ATP2C2: variants seen among roughly 807,000 people sequenced by gnomAD.
ATP2C2 encodes ATPase secretory pathway Ca2+ transporting 2.
Under a neutral mutation model 110.8 loss-of-function variants are expected in ATP2C2, and 171 were observed. The observed-to-expected ratio is 1.54, with a 90% CI of 1.36 to 1.75. ATP2C2 has a LOEUF of 1.75. Ranked by LOEUF, ATP2C2 falls within the 40% of genes most tolerant of loss-of-function variation. The probability of loss-of-function intolerance (pLI) is 0.00; values close to 1 mark genes in which losing one functional copy is unlikely to be tolerated. For synonymous variants in ATP2C2, 804 were observed against 508.4 expected, an observed-to-expected ratio of 1.58 and a Z score of -7.82; for missense variants, 1,963 against 1,235.0, an observed-to-expected ratio of 1.59 and a Z score of -8.84.
chr16:84,436,084 G>A (rs1908712168), intron 11 of ATP2C2, among the ~76,000 whole-genome samples: 1 of 152,250 alleles, frequency 6.6e-6, no homozygotes, highest in East Asian at 1.9e-4. Flanking sequence ...AGCTGAGACT[G>A]CACCACTGCA....
At chr16:84,396,268 A>G (rs533838187) in intron 1 of ATP2C2, among the ~76,000 whole-genome samples, 2 of 152,110 alleles carry the variant, frequency 1.3e-5, no homozygotes, top group South Asian at 4.2e-4. Flanking sequence ...GTTTCGAGCC[A>G]GGTGCAGTGG....
Position 84,425,974 on chromosome 16 carries a change from C to T in ATP2C2, c.986+173C>T, listed in dbSNP as rs1451666347. The stretch of plus-strand genomic sequence containing the variant: ...CATGTTCTCCGACAGGTACAGAGTG[C>T]CCGGCGAATGCTTGCAAAATGAATG... On this transcript the variant is annotated intron_variant, in intron 11 of 26. Coordinates refer to ENST00000262429, the MANE Select transcript of ATP2C2 (RefSeq NM_014861.4). 1.4e-5 allele frequency: 10 copies of T among 695,258 alleles called. No individual in the cohort carries two copies. The Admixed American group carries it at 2.3e-4, about 16-fold the overall frequency. The allele number at this position is 695,258 out of a possible 1,614,324, so 43.1% of individuals were successfully genotyped here.
intron 2 of ATP2C2, among the ~76,000 whole-genome samples, chr16:84,401,007 A>G (rs192913590): frequency 1.2e-4 from 19 of 152,216 alleles, no homozygotes; most frequent in Non-Finnish European, 2.4e-4. Context: ...ATTTTCTTCC[A>G]TTCTGTGGGT....
intron 17 of ATP2C2, among the ~76,000 whole-genome samples, chr16:84,450,990 T>G (rs1156574561): frequency 1.3e-5 from 2 of 152,028 alleles, no homozygotes; most frequent in Non-Finnish European, 2.9e-5. Flanking sequence ...GGAAGTGGGG[T>G]GGGTCTTATA....
chr16:84,443,651 C>A (rs915406149), intron 15 of ATP2C2, among the ~76,000 whole-genome samples: 1 of 152,212 alleles, frequency 6.6e-6, no homozygotes, highest in Admixed American at 6.5e-5. Context: ...TCATCCCGGG[C>A]TCACTTCACT....
intron 18 of ATP2C2, among the ~76,000 whole-genome samples, chr16:84,452,497 C>CT (rs397816630): frequency 0.81 from 95,476 of 117,638 alleles, 39,254 homozygotes; most frequent in East Asian, 0.95. Flanking sequence ...CCTCTAGTTA[C>CT]TTTTTTTTTT....
chr16:84,398,616 A>G lies in ATP2C2; in HGVS notation c.210+7A>G, dbSNP rs535896490. 2.5e-6 allele frequency: 4 copies of G among 1,598,134 alleles called. No individual in the cohort carries two copies. Among genetic ancestry groups the G allele is most frequent in the Admixed American group, 3.4e-5 (2 of 58,116 alleles). ...TTTGGCCAGAGCGTTTTGTGTAAGA[A>G]TTGAATTTGCATCTGGAGCTAATTG... is the stretch of plus-strand genomic sequence containing the variant. On this transcript the variant is annotated splice_region_variant and intron_variant, in intron 2 of 26. Transcript: ENST00000262429.
rs2151404573 is a variant in ATP2C2, at chr16:84,386,783, T to G, written c.100-11716T>G. On this transcript the variant is annotated intron_variant, in intron 1 of 26. Transcript: ENST00000262429. The stretch of plus-strand genomic sequence containing the variant: ...ATTCCCATTTTAAAGAGGAGGAAAC[T>G]GTGACTCAGAAAAGTCAAGCGGCTT... Among the ~76,000 whole-genome samples the G allele has an allele frequency of 2.6e-5, 4 of 152,288 alleles. No individual in the cohort carries two copies. The Middle Eastern group carries it at 0.01, about 388-fold the overall frequency.
intron 26 of ATP2C2, chr16:84,462,394 C>T (rs958154147): frequency 1.5e-5 from 6 of 397,568 alleles, no homozygotes; most frequent in African/African-American, 1.0e-4. Context: ...GCATCCCAGG[C>T]GTCGGGCTGG....
At chr16:84,430,253 G>A (rs1291185035) in intron 11 of ATP2C2, among the ~76,000 whole-genome samples, 2 of 152,168 alleles carry the variant, frequency 1.3e-5, no homozygotes, top group Non-Finnish European at 2.9e-5. Flanking sequence ...GCTCGTTGAA[G>A]GAGATGAGGA....
chr16:84,383,795 T>TG (rs1271845299), intron 1 of ATP2C2, among the ~76,000 whole-genome samples: 5 of 132,080 alleles, frequency 3.8e-5, no homozygotes, highest in Admixed American at 1.5e-4. Context: ...TGGTTTTTTT[T>TG]TTTTTTTTTT....
chr16:84,414,367 G>A (rs1452436655), intron 6 of ATP2C2, among the ~76,000 whole-genome samples: 1 of 152,216 alleles, frequency 6.6e-6, no homozygotes, highest in East Asian at 1.9e-4. Context: ...GCCCACTGGG[G>A]TTGCATTGGT....
rs143350899 is a variant in ATP2C2 at position 84,435,199 on chromosome 16, C to T, written c.987-3967C>T. Among the ~76,000 whole-genome samples the T allele has an allele frequency of 2.8e-3, 432 of 152,336 alleles. 6 individuals are homozygous for T. The highest frequency in any genetic ancestry group is 0.019 in the East Asian group (98 of 5,186). ...ATTGTGAGATGTACATTCTTTTTCA[C>T]ATTTCAACTCCTCTGAAATCAGATC... On this transcript the variant is annotated intron_variant, in intron 11 of 26. Transcript: ENST00000262429.
At chr16:84,462,180 G>A (rs751033687) in intron 26 of ATP2C2, 51 bp downstream of exon 26, 10 of 1,578,186 alleles carry the variant, frequency 6.3e-6, no homozygotes, top group Non-Finnish European at 8.6e-6. Context: ...GGCCATGGGG[G>A]GCGGCAGCTG....
chr16:84,369,713 C>G (rs909424535), intron 1 of ATP2C2, among the ~76,000 whole-genome samples: 1 of 152,120 alleles, frequency 6.6e-6, no homozygotes, highest in Non-Finnish European at 1.5e-5. Context: ...CCAAAGAATA[C>G]TAATGGTCAA....
At chr16:84,378,031 C>G (rs1357270396) in intron 1 of ATP2C2, among the ~76,000 whole-genome samples, 5 of 152,166 alleles carry the variant, frequency 3.3e-5, no homozygotes, top group Admixed American at 3.3e-4. Context: ...CCTTGAAACT[C>G]AAGTGCAAAC....
chr16:84,463,839 C>T lies in ATP2C2; in HGVS notation c.*107C>T. 1.0e-6 allele frequency: 1 copy of T among 988,852 alleles called. No homozygotes were observed. Among genetic ancestry groups the T allele is most frequent in the South Asian group, 1.4e-5 (1 of 69,078 alleles). 61.3% of individuals were successfully genotyped at this position (988,852 alleles called of 1,614,324 possible). A position where few individuals can be genotyped will look rare whatever the true frequency, so the allele number is the denominator to read the frequency against. On this transcript the variant is annotated 3_prime_UTR_variant, in exon 27 of 27. Transcript: ENST00000262429. ...AGACTTTTAGGAGGCCGCAGCCTTC[C>T]ATCACCGGATCAGTTTTTCCTCTTA...
At chr16:84,428,696 C>T (rs1397291733) in intron 11 of ATP2C2, among the ~76,000 whole-genome samples, 2 of 152,056 alleles carry the variant, frequency 1.3e-5, no homozygotes, top group Non-Finnish European at 2.9e-5. Context: ...TTCATCTCTT[C>T]CCTTAAAGAA....
At chr16:84,379,495 A>C (rs1910450891) in intron 1 of ATP2C2, among the ~76,000 whole-genome samples, 1 of 152,174 alleles carries the variant, frequency 6.6e-6, no homozygotes. Context: ...ATGTCCTCCA[A>C]GTGTGGGCTG....
Sources: gnomAD v4.1 joint callset for allele counts (sites outside exome capture counted in the v4.1 genomes callset) on GRCh38, gnomAD v4.1.1 for gene constraint, MANE v1.5 for transcripts, NCBI Gene and HGNC (gene_info 2026-07-23, HGNC 2026-07-21) for gene names.